Variants in DMAC2 observed in about 807,000 individuals in gnomAD.
The protein encoded by DMAC2 is distal membrane-arm assembly complex protein 2.
In DMAC2, 32 loss-of-function variants were observed where a neutral mutation model predicts 29.6. The observed-to-expected ratio is 1.08, with a 90% CI of 0.81 to 1.45. DMAC2 has a LOEUF of 1.45. Among genes scored for constraint, DMAC2 ranks in the 40% most tolerant of loss-of-function variants. The probability of loss-of-function intolerance (pLI) is 0.00; values close to 1 mark genes in which losing one functional copy is unlikely to be tolerated. For missense variants in DMAC2, 319 were observed against 340.0 expected, an observed-to-expected ratio of 0.94 and a Z score of 0.49; for synonymous variants, 133 against 137.4, an observed-to-expected ratio of 0.97 and a Z score of 0.23.
intron 1 of DMAC2, 73 bp from the exon 2 acceptor site, chr19:41,438,487 T>C: frequency 7.6e-7 from 1 of 1,308,684 alleles, no homozygotes; most frequent in East Asian, 2.5e-5. Context: ...CCCCAGTTCT[T>C]GCTCCATGAA....
intron 5 of DMAC2, chr19:41,432,963 T>C: frequency 1.9e-6 from 1 of 515,778 alleles, no homozygotes; most frequent in Non-Finnish European, 3.4e-6. Flanking sequence ...AAATAAAATC[T>C]TTATAGCTGT....
Position 41,436,445 on chromosome 19 carries a change from A to T in DMAC2, c.243T>A (p.His81Gln), listed in dbSNP as rs1469925849. The T allele has an allele frequency of 2.5e-6, 4 of 1,614,162 alleles. No individual in the cohort carries two copies. The highest frequency in any genetic ancestry group is 3.4e-6 in the Non-Finnish European group (4 of 1,180,016). ...AAAAGGCACCTGCGCCGTATGGACC[A>T]TGTTGCTTCTCCAGCCAGGTGTAAG... is the stretch of plus-strand genomic sequence containing the variant. ...NRSYTWLEKQ[H>Q]GPYGAGAFFI... is the part of the protein sequence containing the mutation. Residue 81 changes from histidine to glutamine, a missense_variant, in exon 3 of 6, where the codon CAT becomes CAA. Transcript: ENST00000221943.
intron 5 of DMAC2, 156 bp from the exon 6 acceptor site, chr19:41,432,564 T>TGCGC: frequency 1.7e-6 from 1 of 605,504 alleles, no homozygotes; most frequent in Non-Finnish European, 2.8e-6. Context: ...CAGGACAGTG[T>TGCGC]GTGCGTGTGT....
chr19:41,436,397 T>TGCGC lies in DMAC2; in HGVS notation c.287_290dup (p.Val98ArgfsTer14). The TGCGC allele has an allele frequency of 6.2e-7, 1 of 1,614,110 alleles. No homozygotes were observed. The highest frequency in any genetic ancestry group is 1.1e-5 in the South Asian group (1 of 91,084). Reference sequence around the variant, plus strand: ...TAACACCTTAGCGGTCATACTTGACTGCGCCTCCCTGCTTCAGGATGAAAA... The same window carrying TGCGC: ...TAACACCTTAGCGGTCATACTTGACTGCGCGCGCCTCCCTGCTTCAGGATGAAAA... On this transcript the variant is annotated frameshift_variant, in exon 3 of 6. Coordinates refer to ENST00000221943, the MANE Select transcript of DMAC2 (RefSeq NM_018035.3). LOFTEE classifies it high-confidence loss of function.
rs148733659 is a variant in DMAC2 at position 41,435,978 on chromosome 19, C to T, written c.296+414G>A. Among the ~76,000 whole-genome samples the T allele has an allele frequency of 1.2e-3, 186 of 151,698 alleles. 1 individual carries two copies. The highest frequency in any genetic ancestry group is 4.3e-3 in the African/African-American group (179 of 41,330). ...GCAACCTCCACCTCCCGGGTTCATG[C>T]GATTCTCCTGCCTCAGCCTCCCCAG... On this transcript the variant is annotated intron_variant, in intron 3 of 5. Transcript: ENST00000221943.
intron 5 of DMAC2, chr19:41,432,883 C>T (rs1422074415): frequency 2.2e-4 from 88 of 404,408 alleles, no homozygotes; most frequent in South Asian, 5.6e-4. Context: ...TGTGTGTGTG[C>T]GTGCGTGCAT....
At position 41,432,237 on chromosome 19, in the gene DMAC2, A is replaced by G; in HGVS notation, c.768T>C (p.Pro256=). Residue 256 remains proline, a synonymous_variant, in exon 6 of 6, where the codon CCT becomes CCC. Coordinates refer to ENST00000221943, the MANE Select transcript of DMAC2 (RefSeq NM_018035.3). ...GTGGGGACAGGGCTAAAGGCTAGGC[A>G]GGGACAGGGCTGGCTGTGTCCCGAG... ...EQPRDTASPV[P]A is the part of the protein sequence containing the mutation. 1.2e-6 allele frequency: 2 copies of G among 1,613,630 alleles called. No homozygotes were observed. Among genetic ancestry groups the G allele is most frequent in the Non-Finnish European group, 1.7e-6 (2 of 1,179,804 alleles).
intron 1 of DMAC2, chr19:41,439,209 A>T: frequency 2.4e-6 from 1 of 421,026 alleles, no homozygotes; most frequent in Admixed American, 4.7e-5. Flanking sequence ...CTTTGCTTTA[A>T]CCAAATTCTT....
chr19:41,435,540 G>A (rs986581180), intron 3 of DMAC2, among the ~76,000 whole-genome samples: 2 of 152,082 alleles, frequency 1.3e-5, no homozygotes, highest in Admixed American at 1.3e-4. Flanking sequence ...AAAGTGCTGC[G>A]ATTACAGGTG....
At chr19:41,433,456 A>G (rs2039687112) in intron 4 of DMAC2, 22 bp from the exon 5 acceptor site, 1 of 1,612,536 alleles carries the variant, frequency 6.2e-7, no homozygotes, top group East Asian at 2.2e-5. Flanking sequence ...AGAGGGTGGG[A>G]TGGCACCAGG....
At chr19:41,439,420 C>T in intron 1 of DMAC2, 1 of 1,412,610 alleles carries the variant, frequency 7.1e-7, no homozygotes, top group South Asian at 1.2e-5. Context: ...CCCCACCCAT[C>T]ATGCTTTTGA....
Position 41,439,232 on chromosome 19 carries a change from A to G in DMAC2, c.18+650T>C, listed in dbSNP as rs549589027. On this transcript the variant is annotated intron_variant, in intron 1 of 5. Transcript: ENST00000221943. Reference sequence around the variant, plus strand: ...TAACCAAATTCTTTTTTTTTTTCAAATTATCTCGATAATTTTACCCAAACC... The same window carrying G: ...TAACCAAATTCTTTTTTTTTTTCAAGTTATCTCGATAATTTTACCCAAACC... The G allele has an allele frequency of 7.9e-4, 346 of 437,146 alleles. 10 individuals are homozygous for G. In the Middle Eastern group the frequency reaches 0.03, roughly 38 times the overall value. The allele number at this position is 437,146 out of a possible 1,614,324, so 27.1% of individuals were successfully genotyped here.
Position 41,432,157 on chromosome 19 carries a change from C to T in DMAC2, c.*74G>A. On this transcript the variant is annotated 3_prime_UTR_variant, in exon 6 of 6. Coordinates refer to ENST00000221943, the MANE Select transcript of DMAC2 (RefSeq NM_018035.3). ...ACGTTGAGTGAAGACAAATGGAAGC[C>T]AGAAGTGTGGTGAGCTACCAGACAT... 6.6e-7 allele frequency: 1 copy of T among 1,524,920 alleles called. No individual in the cohort carries two copies. Among genetic ancestry groups the T allele is most frequent in the Admixed American group, 1.8e-5 (1 of 55,890 alleles). 94.5% of individuals were successfully genotyped at this position (1,524,920 alleles called of 1,614,324 possible). A position where few individuals can be genotyped will look rare whatever the true frequency, so the allele number is the denominator to read the frequency against.
rs773742192 is a variant in DMAC2, at chr19:41,433,682, G to A, written c.297-9C>T. On this transcript the variant is annotated splice_polypyrimidine_tract_variant and intron_variant, in intron 3 of 5. Coordinates refer to ENST00000221943, the MANE Select transcript of DMAC2 (RefSeq NM_018035.3). ...ACTCCTTGTCTCGAAACCTGGAAAC[G>A]GGAAAGGGAGTGTCAGCAGGGCACC... The A allele has an allele frequency of 6.8e-6, 11 of 1,614,030 alleles. No individual in the cohort carries two copies. The highest frequency in any genetic ancestry group is 1.1e-5 in the South Asian group (1 of 91,088).
chr19:41,439,379 C>T (rs960060172), intron 1 of DMAC2: 20 of 831,146 alleles, frequency 2.4e-5, no homozygotes, highest in Non-Finnish European at 3.5e-5. Context: ...CAGATCATGC[C>T]CTTAGAACCT....
intron 3 of DMAC2, among the ~76,000 whole-genome samples, chr19:41,435,102 A>G (rs995993222): frequency 2.0e-5 from 3 of 151,826 alleles, no homozygotes; most frequent in Non-Finnish European, 2.9e-5. Context: ...ACAGGGTCCC[A>G]CTGGGTAGCT....
chr19:41,439,474 A>G (rs1222310245), intron 1 of DMAC2: 2 of 1,536,688 alleles, frequency 1.3e-6, no homozygotes, highest in Admixed American at 2.0e-5. Context: ...CTTTCCTTAC[A>G]TTCATCCTTC....
chr19:41,435,773 C>T (rs1389193268), intron 3 of DMAC2, among the ~76,000 whole-genome samples: 2 of 152,006 alleles, frequency 1.3e-5, no homozygotes, highest in East Asian at 1.9e-4. Flanking sequence ...GCTGCTGAGG[C>T]TGTTCTCAAA....
intron 3 of DMAC2, 82 bp downstream of exon 3, chr19:41,436,310 G>T (rs1157819418): frequency 8.0e-7 from 1 of 1,247,564 alleles, no homozygotes; most frequent in Non-Finnish European, 1.2e-6. Context: ...GGACTCTGAA[G>T]CCTGTGTGAC....
Sources: gnomAD v4.1 joint callset for allele counts (sites outside exome capture counted in the v4.1 genomes callset) on GRCh38, gnomAD v4.1.1 for gene constraint, MANE v1.5 for transcripts, NCBI Gene and HGNC (gene_info 2026-07-23, HGNC 2026-07-21) for gene names.